LPP: variants seen among roughly 807,000 people sequenced by gnomAD.
LPP encodes LIM domain containing preferred translocation partner in lipoma, also known as lipoma-preferred partner.
A neutral mutation model predicts 60.4 loss-of-function variants in LPP; 38 were observed. The observed-to-expected ratio is 0.63, with a 90% CI of 0.49 to 0.83. The LOEUF is 0.83. Among genes scored for constraint, LPP ranks in the 40% least tolerant of loss-of-function variants. LPP has a pLI of 0.00. For synonymous variants in LPP, 328 were observed against 290.8 expected, an observed-to-expected ratio of 1.13 and a Z score of -1.30; for missense variants, 902 against 783.6, an observed-to-expected ratio of 1.15 and a Z score of -1.80.
chr3:188,423,232 G>A (rs1408256179), intron 4 of LPP, among the ~76,000 whole-genome samples: 1 of 152,028 alleles, frequency 6.6e-6, no homozygotes, highest in African/African-American at 2.4e-5. Context: ...AGTTTGCTGA[G>A]AATGATGGTT....
At chr3:188,476,644 T>TTTAA (rs1158243361) in intron 4 of LPP, among the ~76,000 whole-genome samples, 13 of 152,198 alleles carry the variant, frequency 8.5e-5, no homozygotes, top group Non-Finnish European at 1.5e-4. Context: ...AGTCCTTCCT[T>TTTAA]TTAATTAATT....
chr3:188,471,201 C>A (rs1278772283), intron 4 of LPP, among the ~76,000 whole-genome samples: 2 of 152,174 alleles, frequency 1.3e-5, no homozygotes, highest in Admixed American at 1.3e-4. Flanking sequence ...TAGGACCACA[C>A]TGTTTTGATC....
chr3:188,822,506 T>G (rs1004732063), intron 9 of LPP, among the ~76,000 whole-genome samples: 6 of 152,158 alleles, frequency 3.9e-5, no homozygotes, highest in Non-Finnish European at 7.4e-5. Context: ...AAGACATCTA[T>G]CTCTGTCACA....
chr3:188,211,457 T>G (rs1222382375), intron 1 of LPP, among the ~76,000 whole-genome samples: 2 of 152,156 alleles, frequency 1.3e-5, no homozygotes, highest in African/African-American at 4.8e-5. Flanking sequence ...GAAGCCAAGA[T>G]GTGGTACTTG....
chr3:188,724,585 A>C (rs549582082), intron 8 of LPP, among the ~76,000 whole-genome samples: 1 of 152,212 alleles, frequency 6.6e-6, no homozygotes, highest in Non-Finnish European at 1.5e-5. Flanking sequence ...TGCTTAGTCC[A>C]GATAACAAAA....
chr3:188,551,935 T>C (rs901827886), intron 6 of LPP, among the ~76,000 whole-genome samples: 3 of 152,188 alleles, frequency 2.0e-5, no homozygotes, highest in East Asian at 1.9e-4. Flanking sequence ...AATGATGTGA[T>C]GCCATCTTGG....
chr3:188,487,270 C>T (rs1443661209), intron 5 of LPP, among the ~76,000 whole-genome samples: 1 of 152,050 alleles, frequency 6.6e-6, no homozygotes, highest in East Asian at 1.9e-4. Flanking sequence ...AAGGGCTATA[C>T]AAATATTTTG....
chr3:188,470,098 C>T (rs1388762615), intron 4 of LPP, among the ~76,000 whole-genome samples: 10 of 152,042 alleles, frequency 6.6e-5, no homozygotes, highest in African/African-American at 2.4e-4. Flanking sequence ...TAGGTTCACA[C>T]ACATCTAGTA....
At position 188,410,599 on chromosome 3, in the gene LPP, C is replaced by T. The variant is rs973198742; in HGVS notation, c.193+4286C>T. Among the ~76,000 whole-genome samples, 10 of 152,026 alleles carry T rather than the reference C, an allele frequency of 6.6e-5. 3 individuals are homozygous for T. The highest frequency in any genetic ancestry group is 1.3e-4 in the Admixed American group (2 of 15,264). ...GTCCTTTTATTTTACTTCCATTGTT[C>T]TCATTTCTTTTCACTGATTTTGTAA... On this transcript the variant is annotated intron_variant, in intron 4 of 11. Coordinates refer to ENST00000617246, the MANE Select transcript of LPP (RefSeq NM_001375462.1).
intron 2 of LPP, among the ~76,000 whole-genome samples, chr3:188,247,565 A>G (rs1167735481): frequency 1.3e-5 from 2 of 152,040 alleles, no homozygotes; most frequent in Non-Finnish European, 2.9e-5. Flanking sequence ...GCATTTTGGG[A>G]GGCCAAGGTG....
At chr3:188,646,381 A>G (rs927389313) in intron 7 of LPP, among the ~76,000 whole-genome samples, 11 of 152,296 alleles carry the variant, frequency 7.2e-5, no homozygotes, top group African/African-American at 2.6e-4. Flanking sequence ...CAGGAACCCT[A>G]TAAGCTAGCC....
intron 9 of LPP, among the ~76,000 whole-genome samples, chr3:188,790,414 A>G (rs961553655): frequency 1.3e-5 from 2 of 152,070 alleles, no homozygotes; most frequent in Non-Finnish European, 2.9e-5. Flanking sequence ...CTGTATAAGT[A>G]TTACCCAATC....
At chr3:188,859,589 CTT>C (rs1273973464) in intron 9 of LPP, among the ~76,000 whole-genome samples, 4 of 152,182 alleles carry the variant, frequency 2.6e-5, no homozygotes, top group African/African-American at 9.7e-5. Flanking sequence ...CTGTTGAACA[CTT>C]TGTTCCATTC....
chr3:188,657,970 CT>C (rs1853677722), intron 7 of LPP, among the ~76,000 whole-genome samples: 1 of 152,088 alleles, frequency 6.6e-6, no homozygotes, highest in Admixed American at 6.6e-5. Flanking sequence ...TATGTGTCAT[CT>C]TAATATTCCT....
intron 3 of LPP, among the ~76,000 whole-genome samples, chr3:188,371,874 T>C (rs1365538447): frequency 1.3e-5 from 2 of 151,222 alleles, no homozygotes; most frequent in African/African-American, 4.9e-5. Flanking sequence ...GCCAGGCTGG[T>C]CTTGAACTCC....
intron 9 of LPP, among the ~76,000 whole-genome samples, chr3:188,846,188 A>G (rs1761344499): frequency 6.6e-6 from 1 of 152,228 alleles, no homozygotes; most frequent in Admixed American, 6.5e-5. Context: ...ACCAGAACAC[A>G]GTATAATGAA....
At chr3:188,173,040 T>G (rs1019953571) in intron 1 of LPP, among the ~76,000 whole-genome samples, 5 of 152,136 alleles carry the variant, frequency 3.3e-5, no homozygotes, top group Non-Finnish European at 7.3e-5. Flanking sequence ...GATAAATTTT[T>G]GTATTTTTTG....
At chr3:188,595,366 CTGGAGGA>C (rs1439878695) in intron 6 of LPP, among the ~76,000 whole-genome samples, 1 of 152,174 alleles carries the variant, frequency 6.6e-6, no homozygotes, top group African/African-American at 2.4e-5. Flanking sequence ...GGAAGTTTCA[CTGGAGGA>C]ATAAGACCCA....
intron 9 of LPP, among the ~76,000 whole-genome samples, chr3:188,827,484 C>T (rs934305295): frequency 2.6e-4 from 40 of 152,096 alleles, no homozygotes; most frequent in African/African-American, 8.9e-4. Flanking sequence ...AATCAGAAAC[C>T]TGGGTAAAGA....
Sources: gnomAD v4.1 joint callset for allele counts (sites outside exome capture counted in the v4.1 genomes callset) on GRCh38, gnomAD v4.1.1 for gene constraint, MANE v1.5 for transcripts, NCBI Gene and HGNC (gene_info 2026-07-23, HGNC 2026-07-21) for gene names.